Variants in MED12L observed in about 807,000 individuals in gnomAD.
The protein encoded by MED12L is mediator complex subunit 12L.
A neutral mutation model predicts 281.3 loss-of-function variants in MED12L; 60 were observed. The observed-to-expected ratio is 0.21, with a 90% CI of 0.17 to 0.26. The LOEUF (loss-of-function observed/expected upper bound fraction) is 0.26, where lower values mean the gene tolerates loss of function less well. MED12L is among the 10% of genes least tolerant of loss of function. The pLI, the probability that MED12L is intolerant of heterozygous loss-of-function variation, is 1.00. For synonymous variants in MED12L, 974 were observed against 987.2 expected, an observed-to-expected ratio of 0.99 and a Z score of 0.25; for missense variants, 2,146 against 2,680.9, an observed-to-expected ratio of 0.80 and a Z score of 4.41.
chr3:151,402,401 T>C (rs2108302302), intron 39 of MED12L, among the ~76,000 whole-genome samples: 1 of 152,314 alleles, frequency 6.6e-6, no homozygotes, highest in African/African-American at 2.4e-5. Context: ...ATATTTGCTG[T>C]CTACTGTGAT....
At chr3:151,374,935 A>T (rs567042000) in intron 27 of MED12L, among the ~76,000 whole-genome samples, 8 of 151,336 alleles carry the variant, frequency 5.3e-5, no homozygotes, top group South Asian at 2.1e-4. Context: ...GTTCTCTTAT[A>T]AAAAAAAAGT....
chr3:151,315,163 A>T (rs1250587634), intron 16 of MED12L, among the ~76,000 whole-genome samples: 4 of 152,148 alleles, frequency 2.6e-5, no homozygotes, highest in Non-Finnish European at 5.9e-5. Flanking sequence ...ACTAATGGCC[A>T]TTGTGGTCTC....
chr3:151,307,239 A>G (rs927665490), intron 16 of MED12L, among the ~76,000 whole-genome samples: 7 of 152,234 alleles, frequency 4.6e-5, no homozygotes, highest in African/African-American at 1.7e-4. Context: ...CTAAGATTAT[A>G]GCTCTGCTGA....
intron 16 of MED12L, among the ~76,000 whole-genome samples, chr3:151,348,917 C>G (rs372097117): frequency 6.6e-6 from 1 of 152,164 alleles, no homozygotes; most frequent in Admixed American, 6.5e-5. Context: ...GCTGCCACTG[C>G]TAATTAGGAA....
chr3:151,139,105 T>C (rs1186268930), intron 5 of MED12L, among the ~76,000 whole-genome samples: 1 of 152,226 alleles, frequency 6.6e-6, no homozygotes, highest in Non-Finnish European at 1.5e-5. Flanking sequence ...TGGTTTATAA[T>C]ACTCTATTTT....
At position 151,199,275 on chromosome 3, in the gene MED12L, C is replaced by T. The variant is rs753483581; in HGVS notation, c.2250+5609C>T. 15 of 1,613,872 alleles carry T rather than the reference C, an allele frequency of 9.3e-6. No homozygotes were observed. In the Admixed American group the frequency reaches 2.5e-4, roughly 27 times the overall value. On this transcript the variant is annotated intron_variant, in intron 16 of 44. Coordinates refer to ENST00000687756, the MANE Select transcript of MED12L (RefSeq NM_001393769.1). ...TGATTCGTATTCTTCTGTATAAAAG[C>T]CCAGGTTGCAAAACAACTTCCAATA... is the stretch of plus-strand genomic sequence containing the variant.
chr3:151,403,092 T>C (rs1715891250), intron 39 of MED12L, among the ~76,000 whole-genome samples: 1 of 152,090 alleles, frequency 6.6e-6, no homozygotes, highest in Non-Finnish European at 1.5e-5. Flanking sequence ...CAGGTTTTTC[T>C]GTAGCTGGTA....
At chr3:151,280,003 C>T (rs1420516770) in intron 16 of MED12L, among the ~76,000 whole-genome samples, 8 of 151,980 alleles carry the variant, frequency 5.3e-5, no homozygotes, top group Non-Finnish European at 7.4e-5. Context: ...TTGACTTCCC[C>T]GTGGGGTGTT....
At chr3:151,338,791 T>C in intron 16 of MED12L, 2 of 1,613,984 alleles carry the variant, frequency 1.2e-6, no homozygotes, top group Non-Finnish European at 1.7e-6. Flanking sequence ...TTGTAGTCTC[T>C]GGTGCACAGA....
intron 16 of MED12L, among the ~76,000 whole-genome samples, chr3:151,239,111 G>C (rs935451699): frequency 6.6e-6 from 1 of 152,172 alleles, no homozygotes; most frequent in Non-Finnish European, 1.5e-5. Flanking sequence ...ATATTAATTA[G>C]TATGATTTTT....
intron 16 of MED12L, among the ~76,000 whole-genome samples, chr3:151,309,114 TACACGC>T (rs140820503): frequency 2.9e-4 from 40 of 138,064 alleles, no homozygotes; most frequent in Non-Finnish European, 4.9e-4. Flanking sequence ...TTTCATGAAA[TACACGC>T]ACACACACAC....
At chr3:151,334,541 T>C (rs553971629) in intron 16 of MED12L, among the ~76,000 whole-genome samples, 1 of 152,294 alleles carries the variant, frequency 6.6e-6, no homozygotes, top group Admixed American at 6.5e-5. Context: ...AGTCTCACTC[T>C]GTTGCCCAGG....
rs370507155 is a variant in MED12L, at chr3:151,086,983, C to T, written c.57C>T (p.Leu19=). 8 of 1,610,252 alleles carry T rather than the reference C, an allele frequency of 5.0e-6. No homozygotes were observed. Among genetic ancestry groups the T allele is most frequent in the Non-Finnish European group, 6.8e-6 (8 of 1,178,966 alleles). The change falls in exon 2 of 45, where the codon CTC becomes CTT. Residue 19 remains leucine, a synonymous_variant. Transcript: ENST00000687756. ...YEQRPLKRPR[L]GPPDVYPQDP... is the part of the protein sequence containing the mutation. ...AGAGACCGCTGAAGCGCCCCCGGCT[C>T]GGGCCGCCCGACGTCTACCCACAGG...
chr3:151,295,189 C>G, intron 16 of MED12L: 1 of 1,609,370 alleles, frequency 6.2e-7, no homozygotes, highest in Non-Finnish European at 8.5e-7. Context: ...AATTGTGACT[C>G]TCTTGGCCGT....
At chr3:151,300,985 G>T (rs1053931151) in intron 16 of MED12L, among the ~76,000 whole-genome samples, 2 of 152,176 alleles carry the variant, frequency 1.3e-5, no homozygotes, top group African/African-American at 4.8e-5. Flanking sequence ...TAATTTTTCA[G>T]TGATGCTCTC....
At chr3:151,416,800 G>A (rs368597739) in intron 43 of MED12L, among the ~76,000 whole-genome samples, 12 of 152,188 alleles carry the variant, frequency 7.9e-5, no homozygotes, top group African/African-American at 1.2e-4. Flanking sequence ...AACCATGGGC[G>A]CACTTTCTAA....
intron 11 of MED12L, among the ~76,000 whole-genome samples, chr3:151,167,708 A>G (rs1015140967): frequency 9.9e-5 from 15 of 152,240 alleles, no homozygotes; most frequent in South Asian, 2.1e-4. Context: ...TCAGTGGAGC[A>G]TGCTGATATA....
At chr3:151,097,632 G>A (rs558466841) in intron 2 of MED12L, among the ~76,000 whole-genome samples, 12 of 152,332 alleles carry the variant, frequency 7.9e-5, no homozygotes, top group Admixed American at 5.9e-4. Context: ...GGCGAGGGGC[G>A]AGAGTGCATT....
intron 20 of MED12L, among the ~76,000 whole-genome samples, chr3:151,358,715 G>A (rs6769397): frequency 0.87 from 132,757 of 152,184 alleles, 58,052 homozygotes; most frequent in Middle Eastern, 0.95. Flanking sequence ...ATTAGTAAGG[G>A]TAAGTATTAT....
Sources: gnomAD v4.1 joint callset for allele counts (sites outside exome capture counted in the v4.1 genomes callset) on GRCh38, gnomAD v4.1.1 for gene constraint, MANE v1.5 for transcripts, NCBI Gene and HGNC (gene_info 2026-07-23, HGNC 2026-07-21) for gene names.